Variants in BLOC1S5 observed in about 807,000 individuals in gnomAD.
The protein encoded by BLOC1S5 is biogenesis of lysosome-related organelles complex 1 subunit 5.
A neutral mutation model predicts 24.3 loss-of-function variants in BLOC1S5; 27 were observed. The observed-to-expected ratio is 1.11, with a 90% CI of 0.82 to 1.53. BLOC1S5 has a LOEUF of 1.53. Among genes scored for constraint, BLOC1S5 ranks in the 40% most tolerant of loss-of-function variants. The pLI is 0.00. For synonymous variants in BLOC1S5, 84 were observed against 74.5 expected (o/e 1.13, Z -0.66); for missense variants, 239 against 229.4 (o/e 1.04, Z -0.27).
intron 3 of BLOC1S5, among the ~76,000 whole-genome samples, chr6:8,033,004 C>T (rs1763356747): frequency 6.6e-6 from 1 of 152,166 alleles, no homozygotes; most frequent in Admixed American, 6.5e-5. Context: ...AAGAATACTC[C>T]ATGCTCATGG....
At chr6:8,017,325 C>T (rs1429411114) in intron 4 of BLOC1S5, among the ~76,000 whole-genome samples, 1 of 151,962 alleles carries the variant, frequency 6.6e-6, no homozygotes, top group Admixed American at 6.6e-5. Context: ...TTGCAGTGAG[C>T]CGAGACTGCA....
chr6:8,025,332 A>G (rs1763067681), intron 4 of BLOC1S5, among the ~76,000 whole-genome samples: 1 of 146,626 alleles, frequency 6.8e-6, no homozygotes, highest in Admixed American at 6.6e-5. Context: ...TTACGTCCCC[A>G]GCCCTGCCTG....
intron 2 of BLOC1S5, among the ~76,000 whole-genome samples, chr6:8,051,101 T>C (rs1298717918): frequency 2.0e-5 from 3 of 151,676 alleles, no homozygotes; most frequent in Non-Finnish European, 4.4e-5. Flanking sequence ...GGCAGGAGAA[T>C]TGCTTGAACC....
rs1276127508 is a variant in BLOC1S5, at chr6:8,064,389, C to A, written c.-13G>T. 6.2e-7 allele frequency: 1 copy of A among 1,601,580 alleles called. No individual in the cohort carries two copies. Among genetic ancestry groups the A allele is most frequent in the African/African-American group, 1.3e-5 (1 of 74,764 alleles). On this transcript the variant is annotated 5_prime_UTR_variant, in exon 1 of 5. Transcript: ENST00000397457. ...CTCCGCCACTCATCCCGACCAGTTC[C>A]GCCCACCCGCGGCCACGCTGCGCCT...
At chr6:8,041,919 T>C (rs1184528585) in intron 2 of BLOC1S5, 1 of 152,226 alleles carries the variant, frequency 6.6e-6, no homozygotes, top group African/African-American at 2.4e-5. Flanking sequence ...GTGCTGGGAT[T>C]ACAGGCGTGA....
chr6:8,054,960 TTTTAG>T (rs1408499968), intron 2 of BLOC1S5, among the ~76,000 whole-genome samples: 3 of 152,242 alleles, frequency 2.0e-5, no homozygotes, highest in South Asian at 4.1e-4. Flanking sequence ...CTCATGTTCC[TTTTAG>T]TTTAGTTTTC....
chr6:8,023,197 C>T (rs1291380832), intron 4 of BLOC1S5, among the ~76,000 whole-genome samples: 2 of 152,062 alleles, frequency 1.3e-5, no homozygotes, highest in African/African-American at 4.8e-5. Context: ...TTGCTAATAC[C>T]CAAAATGCAA....
intron 3 of BLOC1S5, among the ~76,000 whole-genome samples, chr6:8,040,588 A>T (rs1336347911): frequency 6.6e-6 from 1 of 152,258 alleles, no homozygotes; most frequent in African/African-American, 2.4e-5. Flanking sequence ...GGCTGGGCAC[A>T]GTGGCTCACG....
intron 4 of BLOC1S5, among the ~76,000 whole-genome samples, chr6:8,021,115 G>A (rs1884308): frequency 0.039 from 5,952 of 152,176 alleles, 369 homozygotes; most frequent in African/African-American, 0.13. Context: ...GACGAATCTC[G>A]ATGACATTAC....
At position 8,015,042 on chromosome 6, in the gene BLOC1S5, C is replaced by T. The variant is rs10458217; in HGVS notation, c.*607G>A. 0.16 allele frequency: 23,920 copies of T among 152,734 alleles called. 1,951 individuals carry two copies. The highest frequency in any genetic ancestry group is 0.19 in the Admixed American group (2,887 of 15,302). 9.5% of individuals were successfully genotyped at this position (152,734 alleles called of 1,614,324 possible). On this transcript the variant is annotated 3_prime_UTR_variant, in exon 5 of 5. Coordinates refer to ENST00000397457, the MANE Select transcript of BLOC1S5 (RefSeq NM_201280.3). ...ATCCACGGAAGCCCATGGCATTATGCTGCACTGTAAAATATGCAACGCTTC... is the reference window on the plus strand; with the variant it reads ...ATCCACGGAAGCCCATGGCATTATGTTGCACTGTAAAATATGCAACGCTTC...
At chr6:8,039,770 G>A (rs1763616543) in intron 3 of BLOC1S5, among the ~76,000 whole-genome samples, 1 of 152,212 alleles carries the variant, frequency 6.6e-6, no homozygotes, top group African/African-American at 2.4e-5. Flanking sequence ...AGATACCACA[G>A]TGAACAACAA....
intron 4 of BLOC1S5, among the ~76,000 whole-genome samples, chr6:8,022,406 T>G (rs941934787): frequency 1.3e-5 from 2 of 151,782 alleles, no homozygotes; most frequent in Non-Finnish European, 2.9e-5. Context: ...AAAGGTCTTT[T>G]AGAGCATCTG....
intron 2 of BLOC1S5, among the ~76,000 whole-genome samples, chr6:8,051,209 T>C (rs1457829605): frequency 1.3e-5 from 2 of 150,026 alleles, no homozygotes; most frequent in African/African-American, 4.9e-5. Context: ...GTTATTCTAG[T>C]GAACACACGA....
chr6:8,057,761 C>T (rs1764364944), intron 2 of BLOC1S5, among the ~76,000 whole-genome samples: 1 of 152,188 alleles, frequency 6.6e-6, no homozygotes, highest in Admixed American at 6.5e-5. Context: ...TTAAAACAAT[C>T]CCACTCAACT....
At chr6:8,016,325 C>CAA (rs546943980) in intron 4 of BLOC1S5, among the ~76,000 whole-genome samples, 136 of 140,664 alleles carry the variant, frequency 9.7e-4, no homozygotes, top group African/African-American at 2.8e-3. Flanking sequence ...GACTCCGTCT[C>CAA]AAAAAAAAAA....
rs200677625 is a variant in BLOC1S5, at chr6:8,055,603, GA to G, written c.195+6930del. On this transcript the variant is annotated intron_variant, in intron 2 of 4. Transcript: ENST00000397457. The stretch of plus-strand genomic sequence containing the variant: ...TTAGTTTTCCACTATTTTTAGAAGG[GA>G]GGGGTGGTGAGAATAGCCTTTTTAA... 2.8e-3 allele frequency among the ~76,000 whole-genome samples: 426 copies of G among 152,300 alleles called. 18 individuals carry two copies. The East Asian group carries it at 0.064, about 23-fold the overall frequency.
intron 4 of BLOC1S5, among the ~76,000 whole-genome samples, chr6:8,018,951 C>T (rs1274054256): frequency 6.6e-6 from 1 of 152,204 alleles, no homozygotes; most frequent in East Asian, 1.9e-4. Context: ...TGGATGTAAC[C>T]ATTATTAACC....
At chr6:8,052,811 C>T (rs1207179721) in intron 2 of BLOC1S5, among the ~76,000 whole-genome samples, 4 of 151,296 alleles carry the variant, frequency 2.6e-5, no homozygotes, top group African/African-American at 7.3e-5. Context: ...AGGAGAACGG[C>T]GTGAGCCCAG....
chr6:8,022,463 T>C (rs949003328), intron 4 of BLOC1S5, among the ~76,000 whole-genome samples: 1 of 151,690 alleles, frequency 6.6e-6, no homozygotes, highest in Admixed American at 6.6e-5. Flanking sequence ...TACAGAGACA[T>C]AGGAAAAACT....
Sources: allele counts gnomAD v4.1 joint callset (sites outside exome capture counted in the v4.1 genomes callset), GRCh38; gene constraint gnomAD v4.1.1; transcripts MANE v1.5; gene names NCBI Gene and HGNC (gene_info 2026-07-23, HGNC 2026-07-21).